The following RALYL variants were observed in gnomAD, a reference collection of about 807,000 sequenced individuals.
The protein encoded by RALYL is RNA-binding Raly-like protein.
Under a neutral mutation model 35.1 loss-of-function variants are expected in RALYL, and 29 were observed. That is an observed-to-expected ratio of 0.83 (90% CI 0.61 to 1.13). RALYL has a LOEUF of 1.13. Among genes scored for constraint, RALYL ranks in the 50% most tolerant of loss-of-function variants. The pLI, the probability that RALYL is intolerant of heterozygous loss-of-function variation, is 0.00. For synonymous variants in RALYL, 120 were observed against 127.6 expected (o/e 0.94, Z 0.40); for missense variants, 359 against 360.4 (o/e 1.00, Z 0.03).
chr8:84,435,960 G>A (rs2132812479), intron 1 of RALYL, among the ~76,000 whole-genome samples: 1 of 152,228 alleles, frequency 6.6e-6, no homozygotes, highest in East Asian at 1.9e-4. Context: ...AGTGTCTGGA[G>A]GTGAGGGATA....
chr8:84,538,781 C>A (rs1034434713), intron 2 of RALYL, among the ~76,000 whole-genome samples: 1 of 152,038 alleles, frequency 6.6e-6, no homozygotes, highest in African/African-American at 2.4e-5. Flanking sequence ...GCTTATGCGC[C>A]AGTTGTGGAG....
At chr8:84,382,940 A>G (rs917412070) in intron 1 of RALYL, among the ~76,000 whole-genome samples, 1 of 151,798 alleles carries the variant, frequency 6.6e-6, no homozygotes, top group African/African-American at 2.4e-5. Flanking sequence ...AGTGTTTATT[A>G]ATTTGTTTTC....
At chr8:84,814,503 T>TTTAA (rs1424236784) in intron 4 of RALYL, among the ~76,000 whole-genome samples, 1 of 152,208 alleles carries the variant, frequency 6.6e-6, no homozygotes, top group Non-Finnish European at 1.5e-5. Context: ...TTGATACATT[T>TTTAA]TTAATATGCA....
At chr8:84,583,108 A>G (rs893264140) in intron 2 of RALYL, among the ~76,000 whole-genome samples, 1 of 152,114 alleles carries the variant, frequency 6.6e-6, no homozygotes, top group Non-Finnish European at 1.5e-5. Context: ...CTGGTTCAAA[A>G]CTGACACAAC....
rs371175324 is a variant in RALYL at position 84,529,574 on chromosome 8, C to T, written c.253C>T (p.Leu85Phe). 1 of 1,606,510 alleles carries T rather than the reference C, an allele frequency of 6.2e-7. No individual in the cohort carries two copies. The highest frequency in any genetic ancestry group is 8.5e-7 in the Non-Finnish European group (1 of 1,173,694). ...ENARVIAGQP[L>F]DINMAGEPKP... ...TGCCAGAGTCATCGCCGGCCAACCA[C>T]TTGGTAAGTCATGCTCAGACATGGA... The change falls in exon 2 of 9, where the codon CTT becomes TTT. Residue 85 changes from leucine to phenylalanine, a missense_variant. Coordinates refer to ENST00000521268, the MANE Select transcript of RALYL (RefSeq NM_173848.7).
intron 1 of RALYL, among the ~76,000 whole-genome samples, chr8:84,300,525 C>G (rs1393597431): frequency 2.0e-5 from 3 of 151,858 alleles, no homozygotes; most frequent in Non-Finnish European, 4.4e-5. Context: ...TCTAATAATA[C>G]TGTTAGTAGG....
intron 2 of RALYL, among the ~76,000 whole-genome samples, chr8:84,662,741 C>T (rs1240417063): frequency 1.3e-5 from 2 of 151,962 alleles, no homozygotes; most frequent in Non-Finnish European, 2.9e-5. Flanking sequence ...AGTTTTAGAT[C>T]ATATATAGGC....
intron 2 of RALYL, among the ~76,000 whole-genome samples, chr8:84,645,231 C>T (rs913857768): frequency 2.6e-5 from 4 of 151,740 alleles, no homozygotes; most frequent in Non-Finnish European, 5.9e-5. Context: ...ACTGTGTTTT[C>T]CCCCCACTAT....
chr8:84,841,419 T>C (rs1308986336), intron 4 of RALYL, among the ~76,000 whole-genome samples: 1 of 152,190 alleles, frequency 6.6e-6, no homozygotes, highest in African/African-American at 2.4e-5. Context: ...AAGAGCTAAC[T>C]ATCCTAAATA....
chr8:84,625,264 G>T (rs1236452191), intron 2 of RALYL, among the ~76,000 whole-genome samples: 5 of 152,086 alleles, frequency 3.3e-5, no homozygotes, highest in African/African-American at 1.2e-4. Context: ...TGGTTTTATT[G>T]TATTATAGTA....
chr8:84,587,147 C>G (rs148902257), intron 2 of RALYL, among the ~76,000 whole-genome samples: 61 of 152,254 alleles, frequency 4.0e-4, no homozygotes, highest in African/African-American at 1.3e-3. Flanking sequence ...CTTTTCTTGA[C>G]ACATTCTGGT....
intron 1 of RALYL, among the ~76,000 whole-genome samples, chr8:84,277,605 C>A (rs1250042780): frequency 6.6e-6 from 1 of 152,158 alleles, no homozygotes; most frequent in Non-Finnish European, 1.5e-5. Flanking sequence ...GCCTATGAGC[C>A]TGTAAAATTA....
intron 2 of RALYL, among the ~76,000 whole-genome samples, chr8:84,644,416 A>C (rs745855737): frequency 6.6e-6 from 1 of 152,094 alleles, no homozygotes; most frequent in African/African-American, 2.4e-5. Context: ...TAAAATTCCT[A>C]TCCTCGTGGA....
intron 4 of RALYL, among the ~76,000 whole-genome samples, chr8:84,827,338 A>G (rs1318574679): frequency 6.6e-6 from 1 of 152,146 alleles, no homozygotes; most frequent in Non-Finnish European, 1.5e-5. Flanking sequence ...TAAATGAAAG[A>G]TGACCCAAAC....
Position 84,622,548 on chromosome 8 carries a change from C to G in RALYL, c.256+92971C>G, listed in dbSNP as rs569833472. 5.9e-5 allele frequency among the ~76,000 whole-genome samples: 9 copies of G among 152,254 alleles called. 2 individuals are homozygous for G. In the South Asian group the frequency reaches 1.9e-3, roughly 32 times the overall value. ...AATGTGGGGAAAAGAGGGATGTCCT[C>G]AGGGTTAGTGTGTCCAGGGATCAGG... On this transcript the variant is annotated intron_variant, in intron 2 of 8. Transcript: ENST00000521268.
chr8:84,436,543 G>GTTT (rs150233257), intron 1 of RALYL, among the ~76,000 whole-genome samples: 1 of 62,394 alleles, frequency 1.6e-5, no homozygotes, highest in Non-Finnish European at 2.7e-5. Flanking sequence ...AATCATGGGA[G>GTTT]TTTTTTTTTT....
intron 1 of RALYL, among the ~76,000 whole-genome samples, chr8:84,200,697 G>A (rs923003602): frequency 6.6e-6 from 1 of 152,070 alleles, no homozygotes; most frequent in Non-Finnish European, 1.5e-5. Flanking sequence ...TCTTGGTGAT[G>A]TATTTTAACA....
chr8:84,834,726 C>T (rs1438975735), intron 4 of RALYL, among the ~76,000 whole-genome samples: 1 of 152,114 alleles, frequency 6.6e-6, no homozygotes, highest in Non-Finnish European at 1.5e-5. Context: ...AGATCTAACC[C>T]AATATCGCAA....
intron 1 of RALYL, among the ~76,000 whole-genome samples, chr8:84,347,224 C>T (rs534675831): frequency 8.6e-5 from 13 of 151,056 alleles, no homozygotes; most frequent in Admixed American, 7.9e-4. Flanking sequence ...TTTACCATTA[C>T]AGTATTTTTT....
Sources: gnomAD v4.1 joint callset for allele counts (sites outside exome capture counted in the v4.1 genomes callset) on GRCh38, gnomAD v4.1.1 for gene constraint, MANE v1.5 for transcripts, NCBI Gene and HGNC (gene_info 2026-07-23, HGNC 2026-07-21) for gene names.